The following CADM2 variants were observed in gnomAD, a reference collection of about 807,000 sequenced individuals.
CADM2 encodes immunoglobulin superfamily member 4D.
CADM2 carries 12 observed loss-of-function variants against 49.8 expected under a neutral mutation model. That is an observed-to-expected ratio of 0.24 (90% CI 0.15 to 0.39). The LOEUF is 0.39. Ranked by LOEUF, CADM2 falls within the 10% of genes least tolerant of loss-of-function variation. The pLI is 1.00. For synonymous variants in CADM2, 214 were observed against 175.4 expected (o/e 1.22, Z -1.74); for missense variants, 378 against 492.3 (o/e 0.77, Z 2.20).
At chr3:85,637,998 A>G (rs1015693692) in intron 1 of CADM2, among the ~76,000 whole-genome samples, 1 of 152,236 alleles carries the variant, frequency 6.6e-6, no homozygotes, top group Non-Finnish European at 1.5e-5. Flanking sequence ...GGGGTTTATA[A>G]CCTTATAAAT....
At chr3:86,014,112 C>T in intron 8 of CADM2, 1 of 1,289,438 alleles carries the variant, frequency 7.8e-7, no homozygotes, top group South Asian at 1.5e-5. Context: ...CTGCCATTTT[C>T]AGTGGACACG....
At chr3:85,569,268 C>T (rs1370260213) in intron 1 of CADM2, among the ~76,000 whole-genome samples, 3 of 152,022 alleles carry the variant, frequency 2.0e-5, no homozygotes, top group Non-Finnish European at 4.4e-5. Context: ...TAAATTGTTG[C>T]ACCTATCAGC....
At chr3:86,064,913 A>G (rs747400030) in intron 8 of CADM2, among the ~76,000 whole-genome samples, 1 of 152,190 alleles carries the variant, frequency 6.6e-6, no homozygotes, top group South Asian at 2.1e-4. Flanking sequence ...CTGAGTATTC[A>G]TCTTCCTCTA....
intron 3 of CADM2, among the ~76,000 whole-genome samples, chr3:85,842,041 A>C (rs1193380790): frequency 2.6e-5 from 4 of 152,082 alleles, no homozygotes; most frequent in African/African-American, 9.7e-5. Flanking sequence ...ATGCTTTTAC[A>C]TTTAAAAAAA....
intron 1 of CADM2, among the ~76,000 whole-genome samples, chr3:85,665,053 G>A (rs1359120585): frequency 1.3e-5 from 2 of 151,928 alleles, no homozygotes; most frequent in Non-Finnish European, 2.9e-5. Flanking sequence ...GAACATAATA[G>A]GGTTTCATTC....
rs565310419 is a variant in CADM2, at chr3:86,069,282, A to G, written c.*2499A>G. ...TGATTTTTGACTCTTTTAACCCTTC[A>G]GAGTAATATAAAATCTCATTAGAAC... On this transcript the variant is annotated 3_prime_UTR_variant, in exon 10 of 10. Coordinates refer to ENST00000383699, the MANE Select transcript of CADM2 (RefSeq NM_001167675.2). 6.6e-6 allele frequency: 1 copy of G among 152,096 alleles called. No homozygotes were observed. The highest frequency in any genetic ancestry group is 2.1e-4 in the South Asian group (1 of 4,826). 9.4% of individuals were successfully genotyped at this position (152,096 alleles called of 1,614,324 possible). A position where few individuals can be genotyped will look rare whatever the true frequency, so the allele number is the denominator to read the frequency against.
chr3:85,207,565 A>T (rs936723440), intron 1 of CADM2, among the ~76,000 whole-genome samples: 1 of 152,146 alleles, frequency 6.6e-6, no homozygotes. Context: ...AATTTTACTG[A>T]ATTTGAAATT....
chr3:85,075,880 A>G (rs998650203), intron 1 of CADM2, among the ~76,000 whole-genome samples: 2 of 152,186 alleles, frequency 1.3e-5, no homozygotes, highest in Admixed American at 6.5e-5. Flanking sequence ...CATATACTCC[A>G]TTAGATAACA....
At chr3:85,356,895 C>G (rs1187399128) in intron 1 of CADM2, among the ~76,000 whole-genome samples, 2 of 151,964 alleles carry the variant, frequency 1.3e-5, no homozygotes, top group Non-Finnish European at 2.9e-5. Flanking sequence ...AAATCTGCAG[C>G]ATTTATTTAA....
In CADM2 at chr3:85,524,161, C is replaced by A. The variant is rs1649986517; in HGVS notation, c.62-202361C>A. ...ACTAAAGTTTGATGGATTTTATGAGCCTTCCCAAAGAGGCAGCTTTTTATT... is the reference window on the plus strand; with the variant it reads ...ACTAAAGTTTGATGGATTTTATGAGACTTCCCAAAGAGGCAGCTTTTTATT... On this transcript the variant is annotated intron_variant, in intron 1 of 9. Transcript: ENST00000383699. 2.6e-5 allele frequency among the ~76,000 whole-genome samples: 4 copies of A among 152,036 alleles called. No individual in the cohort carries two copies. The South Asian group carries it at 8.3e-4, about 32-fold the overall frequency.
At chr3:86,026,925 A>G (rs1484902398) in intron 8 of CADM2, among the ~76,000 whole-genome samples, 1 of 152,192 alleles carries the variant, frequency 6.6e-6, no homozygotes, top group Non-Finnish European at 1.5e-5. Flanking sequence ...TGGTTAGGCA[A>G]GAACCTTGTA....
chr3:85,663,797 T>G (rs1426002937), intron 1 of CADM2, among the ~76,000 whole-genome samples: 1 of 152,012 alleles, frequency 6.6e-6, no homozygotes, highest in Non-Finnish European at 1.5e-5. Flanking sequence ...CATTCTCTCC[T>G]CCATATATTT....
At chr3:85,474,654 A>G (rs1442323316) in intron 1 of CADM2, among the ~76,000 whole-genome samples, 1 of 151,906 alleles carries the variant, frequency 6.6e-6, no homozygotes, top group Non-Finnish European at 1.5e-5. Flanking sequence ...TTATATCATT[A>G]ATTATCTAGT....
chr3:86,002,280 G>A (rs903229170), intron 8 of CADM2, among the ~76,000 whole-genome samples: 2 of 152,068 alleles, frequency 1.3e-5, no homozygotes, highest in African/African-American at 4.8e-5. Flanking sequence ...TTGAATCCAC[G>A]GGATCGATGT....
intron 1 of CADM2, among the ~76,000 whole-genome samples, chr3:85,561,146 A>T (rs1170661088): frequency 6.6e-6 from 1 of 152,160 alleles, no homozygotes; most frequent in African/African-American, 2.4e-5. Flanking sequence ...TTTTTCACTC[A>T]ATATTATGTT....
intron 1 of CADM2, among the ~76,000 whole-genome samples, chr3:85,188,791 G>A (rs1205732218): frequency 6.6e-6 from 1 of 151,972 alleles, no homozygotes; most frequent in African/African-American, 2.4e-5. Context: ...CAGCACTTTG[G>A]GAGGCTGAGG....
chr3:85,798,019 A>G (rs2071730730), intron 2 of CADM2, among the ~76,000 whole-genome samples: 1 of 152,146 alleles, frequency 6.6e-6, no homozygotes, highest in African/African-American at 2.4e-5. Flanking sequence ...AGTGATGATG[A>G]ACTTTTTTTT....
chr3:85,722,379 ACT>A (rs2067537753), intron 1 of CADM2, among the ~76,000 whole-genome samples: 1 of 151,962 alleles, frequency 6.6e-6, no homozygotes, highest in Non-Finnish European at 1.5e-5. Flanking sequence ...CTAAGCTCTA[ACT>A]CTATTGCCTC....
At chr3:85,100,740 C>A (rs2037980358) in intron 1 of CADM2, among the ~76,000 whole-genome samples, 1 of 152,108 alleles carries the variant, frequency 6.6e-6, no homozygotes, top group South Asian at 2.1e-4. Flanking sequence ...AGAATTATCA[C>A]AGATAAAGAG....
Sources: allele counts gnomAD v4.1 joint callset (sites outside exome capture counted in the v4.1 genomes callset), GRCh38; gene constraint gnomAD v4.1.1; transcripts MANE v1.5; gene names NCBI Gene and HGNC (gene_info 2026-07-23, HGNC 2026-07-21).